The following ATP10B variants were observed in gnomAD, a reference collection of about 807,000 sequenced individuals.
ATP10B encodes phospholipid-transporting ATPase VB.
A neutral mutation model predicts 141.2 loss-of-function variants in ATP10B; 122 were observed. That is an observed-to-expected ratio of 0.86 (90% CI 0.75 to 1.00). ATP10B has a LOEUF of 1.00. Among genes scored for constraint, ATP10B ranks in the 50% least tolerant of loss-of-function variants. The probability of loss-of-function intolerance (pLI) is 0.00; values close to 1 mark genes in which losing one functional copy is unlikely to be tolerated. For synonymous variants in ATP10B, 685 were observed against 692.0 expected (o/e 0.99, Z 0.16); for missense variants, 1,876 against 1,825.3 (o/e 1.03, Z -0.51).
Position 160,823,828 on chromosome 5 carries a change from C to T in ATP10B, c.-576+28113G>A, listed in dbSNP as rs150550540. ...CAGCCTGGGCGACAGAGTGAGACTC[C>T]GTCTCCAAAAAACAAACAAAATAAC... On this transcript the variant is annotated intron_variant, in intron 1 of 25. Transcript: ENST00000327245. Among the ~76,000 whole-genome samples, 901 of 151,958 alleles carry T rather than the reference C, an allele frequency of 5.9e-3. 12 individuals carry two copies. The highest frequency in any genetic ancestry group is 0.021 in the African/African-American group (855 of 41,474).
intron 3 of ATP10B, among the ~76,000 whole-genome samples, chr5:160,699,481 T>C (rs2127759495): frequency 6.6e-6 from 1 of 152,288 alleles, no homozygotes; most frequent in South Asian, 2.1e-4. Flanking sequence ...TTCAAACATA[T>C]CCATGGTCTG....
the ATP10B span, among the ~76,000 whole-genome samples, chr5:160,893,357 G>T: frequency 2.6e-4 from 40 of 152,106 alleles, no homozygotes; most frequent in Non-Finnish European, 5.1e-4. Flanking sequence ...TGAGCTTGGT[G>T]GGGGGAGGGG....
intron 7 of ATP10B, among the ~76,000 whole-genome samples, chr5:160,653,555 T>TACATATATATTACATATAC (rs1761111183): frequency 7.6e-6 from 1 of 132,254 alleles, no homozygotes; most frequent in Admixed American, 8.7e-5. Flanking sequence ...CATACATATA[T>TACATATATATTACATATAC]ACATATATAT....
intron 6 of ATP10B, among the ~76,000 whole-genome samples, chr5:160,672,906 T>A (rs1035569505): frequency 1.3e-5 from 2 of 152,176 alleles, no homozygotes; most frequent in South Asian, 2.1e-4. Context: ...CTTCCTAAGA[T>A]CCAATCTTCC....
intron 2 of ATP10B, among the ~76,000 whole-genome samples, chr5:160,750,711 C>T (rs1230752172): frequency 6.6e-6 from 1 of 152,148 alleles, no homozygotes; most frequent in Non-Finnish European, 1.5e-5. Flanking sequence ...AGATAAATTG[C>T]AGCCCCTTAA....
At chr5:160,714,636 A>T (rs1250345976) in intron 3 of ATP10B, among the ~76,000 whole-genome samples, 1 of 123,698 alleles carries the variant, frequency 8.1e-6, no homozygotes, top group Non-Finnish European at 1.7e-5. Flanking sequence ...TTCTCCATCC[A>T]GCTTTGTTCT....
chr5:160,781,440 T>C (rs550018520), intron 2 of ATP10B, among the ~76,000 whole-genome samples: 1 of 152,100 alleles, frequency 6.6e-6, no homozygotes, highest in Non-Finnish European at 1.5e-5. Flanking sequence ...TTTGTTCAGT[T>C]AGCTCTTTTG....
the ATP10B span, among the ~76,000 whole-genome samples, chr5:160,925,350 G>A: frequency 2.0e-5 from 3 of 152,176 alleles, no homozygotes; most frequent in Non-Finnish European, 2.9e-5. Context: ...ATTTAAGCTC[G>A]TCATACCTAT....
At chr5:160,779,288 C>T (rs78104658) in intron 2 of ATP10B, among the ~76,000 whole-genome samples, 2,535 of 152,194 alleles carry the variant, frequency 0.017, 72 homozygotes, top group African/African-American at 0.058. Context: ...ATTCCTACCC[C>T]CTAAGATTTA....
intron 12 of ATP10B, chr5:160,632,620 GTTTTTTTTTT>G: frequency 7.8e-6 from 1 of 128,048 alleles, no homozygotes; most frequent in Non-Finnish European, 1.6e-5. Context: ...TTCCTCAGAG[GTTTTTTTTTT>G]TTTTTTTTTT....
intron 2 of ATP10B, among the ~76,000 whole-genome samples, chr5:160,746,425 T>C (rs556977291): frequency 6.6e-6 from 1 of 151,762 alleles, no homozygotes; most frequent in South Asian, 2.1e-4. Flanking sequence ...TGAGTCTTGC[T>C]CTATTGCCCA....
chr5:160,587,128 T>A (rs905858814), intron 24 of ATP10B, among the ~76,000 whole-genome samples: 2 of 151,656 alleles, frequency 1.3e-5, no homozygotes, highest in African/African-American at 4.8e-5. Flanking sequence ...AATTTTTGTA[T>A]AAGGTGTTAA....
the ATP10B span, among the ~76,000 whole-genome samples, chr5:160,903,509 A>G: frequency 6.6e-6 from 1 of 152,204 alleles, no homozygotes; most frequent in Non-Finnish European, 1.5e-5. Flanking sequence ...CTGTAAATGG[A>G]AAACTTGCAA....
chr5:160,703,460 A>T (rs1234966719), intron 3 of ATP10B, among the ~76,000 whole-genome samples: 1 of 146,170 alleles, frequency 6.8e-6, no homozygotes, highest in African/African-American at 2.6e-5. Context: ...GCTGTTGGAG[A>T]GTTTTGTCTT....
chr5:160,758,539 G>C (rs555509797), intron 2 of ATP10B, among the ~76,000 whole-genome samples: 2 of 152,286 alleles, frequency 1.3e-5, no homozygotes, highest in South Asian at 4.2e-4. Flanking sequence ...CATTGACATG[G>C]AGGGAACTAG....
chr5:160,884,524 T>TA, the ATP10B span, among the ~76,000 whole-genome samples: 2 of 152,322 alleles, frequency 1.3e-5, no homozygotes, highest in South Asian at 4.1e-4. Flanking sequence ...AGCCTGATGC[T>TA]AGCATGATTT....
chr5:160,874,914 T>C, the ATP10B span, among the ~76,000 whole-genome samples: 14 of 144,328 alleles, frequency 9.7e-5, no homozygotes, highest in Admixed American at 6.9e-4. Context: ...CTGATTGGTG[T>C]ACCTGAAAGT....
rs148811629 is a variant in ATP10B, at chr5:160,705,452, C to T, written c.-205+11457G>A. ...CCATTTTGCTCAGGCTGGTCTTGAA[C>T]TCCTGGGCTAAAGCAATCTGCCCAC... is the stretch of plus-strand genomic sequence containing the variant. On this transcript the variant is annotated intron_variant, in intron 3 of 25. Transcript: ENST00000327245. 3.4e-3 allele frequency among the ~76,000 whole-genome samples: 511 copies of T among 152,150 alleles called. 4 individuals are homozygous for T. The highest frequency in any genetic ancestry group is 0.012 in the African/African-American group (482 of 41,516).
chr5:160,677,997 G>A (rs541774377), intron 6 of ATP10B, among the ~76,000 whole-genome samples: 133 of 152,178 alleles, frequency 8.7e-4, no homozygotes, highest in Non-Finnish European at 1.6e-3. Context: ...CTGAGGCTAT[G>A]AGCCAGATGA....
Sources: allele counts gnomAD v4.1 joint callset (sites outside exome capture counted in the v4.1 genomes callset), GRCh38; gene constraint gnomAD v4.1.1; transcripts MANE v1.5; gene names NCBI Gene and HGNC (gene_info 2026-07-23, HGNC 2026-07-21).